Variants in XKR4 observed in about 807,000 individuals in gnomAD.
The protein encoded by XKR4 is XK-related protein 4.
XKR4 carries 12 observed loss-of-function variants against 53.9 expected under a neutral mutation model. That is an observed-to-expected ratio of 0.22 (90% confidence interval 0.14 to 0.36). The LOEUF is 0.36. Ranked by LOEUF, XKR4 falls within the 10% of genes least tolerant of loss-of-function variation. The probability of loss-of-function intolerance (pLI) is 1.00; values close to 1 mark genes in which losing one functional copy is unlikely to be tolerated. For synonymous variants in XKR4, 354 were observed against 362.4 expected (o/e 0.98, Z 0.26); for missense variants, 799 against 859.5 (o/e 0.93, Z 0.88).
At chr8:55,355,831 T>C (rs1295150770) in intron 1 of XKR4, among the ~76,000 whole-genome samples, 2 of 152,232 alleles carry the variant, frequency 1.3e-5, no homozygotes, top group Non-Finnish European at 2.9e-5. Context: ...TTTCTGCACC[T>C]GCACTTCCTT....
chr8:55,369,631 A>G (rs748381717), intron 2 of XKR4, among the ~76,000 whole-genome samples: 4 of 152,160 alleles, frequency 2.6e-5, no homozygotes, highest in Middle Eastern at 6.8e-3. Flanking sequence ...TAAGAATTAT[A>G]TTTTGTTGCT....
chr8:55,507,237 A>C (rs1806546735), intron 2 of XKR4, among the ~76,000 whole-genome samples: 1 of 152,206 alleles, frequency 6.6e-6, no homozygotes, highest in Non-Finnish European at 1.5e-5. Flanking sequence ...CAGAGTTTTT[A>C]TTGAGAACTT....
chr8:55,298,045 T>G (rs947225699), intron 1 of XKR4, among the ~76,000 whole-genome samples: 1 of 152,228 alleles, frequency 6.6e-6, no homozygotes, highest in African/African-American at 2.4e-5. Context: ...TACAGTCGAT[T>G]TTTCTGGCCT....
At chr8:55,425,966 G>T (rs1805006676) in intron 2 of XKR4, among the ~76,000 whole-genome samples, 1 of 152,156 alleles carries the variant, frequency 6.6e-6, no homozygotes, top group Non-Finnish European at 1.5e-5. Context: ...CTCAGGGGAA[G>T]CACCTCCCTC....
intron 2 of XKR4, among the ~76,000 whole-genome samples, chr8:55,430,181 C>T (rs973544175): frequency 6.6e-6 from 1 of 152,162 alleles, no homozygotes; most frequent in Non-Finnish European, 1.5e-5. Context: ...TTCCGCACCA[C>T]CCCACACACA....
chr8:55,154,116 C>T (rs1816875146), intron 1 of XKR4, among the ~76,000 whole-genome samples: 1 of 152,180 alleles, frequency 6.6e-6, no homozygotes, highest in Non-Finnish European at 1.5e-5. Flanking sequence ...GAATTCCTCT[C>T]CCTATATACA....
chr8:55,462,704 A>T (rs959546701), intron 2 of XKR4, among the ~76,000 whole-genome samples: 1 of 152,240 alleles, frequency 6.6e-6, no homozygotes, highest in Non-Finnish European at 1.5e-5. Context: ...GTCAAGACCC[A>T]TCGGTGTGCT....
rs553656318 is a variant in XKR4, at chr8:55,495,924, A to C, written c.1007-27357A>C. Among the ~76,000 whole-genome samples, 168 of 152,356 alleles carry C rather than the reference A, an allele frequency of 1.1e-3. 3 individuals carry two copies. The South Asian group carries it at 0.033, about 30-fold the overall frequency. On this transcript the variant is annotated intron_variant, in intron 2 of 2. Transcript: ENST00000327381. Reference sequence around the variant, plus strand: ...AGTTTTTTACCAAATGTATATATTCACACACCTCAAAAGCACCATATGAGA... The same window carrying C: ...AGTTTTTTACCAAATGTATATATTCCCACACCTCAAAAGCACCATATGAGA...
chr8:55,271,377 G>A (rs1417726217), intron 1 of XKR4, among the ~76,000 whole-genome samples: 4 of 152,194 alleles, frequency 2.6e-5, no homozygotes, highest in East Asian at 1.9e-4. Context: ...ATCATGGAAG[G>A]CAAGGTTAAG....
intron 2 of XKR4, among the ~76,000 whole-genome samples, chr8:55,478,551 A>G (rs1365643965): frequency 6.6e-6 from 1 of 152,154 alleles, no homozygotes; most frequent in Non-Finnish European, 1.5e-5. Flanking sequence ...ACATAACAAT[A>G]TTAACTTTAA....
intron 1 of XKR4, among the ~76,000 whole-genome samples, chr8:55,233,518 TG>T (rs563758894): frequency 2.2e-3 from 329 of 152,252 alleles, no homozygotes; most frequent in Non-Finnish European, 4.0e-3. Context: ...GCAAAGGAAG[TG>T]GGTTCATTGC....
rs1807080828 is a variant in XKR4, at chr8:55,540,196, T to G, written c.*15969T>G. 1 of 152,256 alleles carries G rather than the reference T, an allele frequency of 6.6e-6. No individual in the cohort carries two copies. The highest frequency in any genetic ancestry group is 2.4e-5 in the African/African-American group (1 of 41,478). The allele number at this position is 152,256 out of a possible 1,614,324, so 9.4% of individuals were successfully genotyped here. On this transcript the variant is annotated 3_prime_UTR_variant, in exon 3 of 3. Transcript: ENST00000327381. ...TTATGCTGCTGAGGACCAGTCATTC[T>G]GTAAACATCACATATGTGATGCTTT... is the stretch of plus-strand genomic sequence containing the variant.
At chr8:55,238,275 G>A (rs1818162003) in intron 1 of XKR4, among the ~76,000 whole-genome samples, 1 of 152,138 alleles carries the variant, frequency 6.6e-6, no homozygotes, top group South Asian at 2.1e-4. Context: ...CAAGGCTGCT[G>A]GTTTAGCTGC....
rs374932583 is a variant in XKR4, at chr8:55,102,923, C to G, written c.435C>G (p.Phe145Leu). The change falls in exon 1 of 3, where the codon TTC becomes TTG. Residue 145 changes from phenylalanine to leucine, a missense_variant. Phe to Leu is a conservative substitution (Grantham distance 22). This residue lies in a region of XKR4 where 476 missense variants were observed against 505.4 expected (regional missense o/e 0.94). Coordinates refer to ENST00000327381, the MANE Select transcript of XKR4 (RefSeq NM_052898.2). The surrounding 1 kb of genome is among the most constrained non-coding windows in gnomAD (Gnocchi z 5.1). ...DYYLRGQRWW[F>L]GLTLFFVVLG... ...ACCTGCGCGGCCAGCGCTGGTGGTT[C>G]GGGCTCACGCTCTTCTTCGTGGTGC... 8.1e-6 allele frequency: 13 copies of G among 1,611,642 alleles called. No homozygotes were observed. The highest frequency in any genetic ancestry group is 1.1e-5 in the Non-Finnish European group (13 of 1,179,862).
chr8:55,173,650 A>G (rs1817193132), intron 1 of XKR4, among the ~76,000 whole-genome samples: 1 of 152,172 alleles, frequency 6.6e-6, no homozygotes, highest in African/African-American at 2.4e-5. Context: ...TTGTGAAAAA[A>G]GTGTTGAACT....
At chr8:55,294,553 C>T (rs1190887935) in intron 1 of XKR4, among the ~76,000 whole-genome samples, 1 of 152,200 alleles carries the variant, frequency 6.6e-6, no homozygotes, top group Admixed American at 6.5e-5. Flanking sequence ...TAATAGACAA[C>T]ATCTCGTGAT....
chr8:55,173,683 AG>A (rs1817193499), intron 1 of XKR4, among the ~76,000 whole-genome samples: 2 of 152,216 alleles, frequency 1.3e-5, no homozygotes, highest in Non-Finnish European at 2.9e-5. Context: ...TTACAAGGCT[AG>A]ACACAATAGC....
At position 55,541,496 on chromosome 8, in the gene XKR4, T is replaced by C. The variant is rs1807100476; in HGVS notation, c.*17269T>C. 2 of 152,146 alleles carry C rather than the reference T, an allele frequency of 1.3e-5. No homozygotes were observed. Among genetic ancestry groups the C allele is most frequent in the Non-Finnish European group, 2.9e-5 (2 of 68,032 alleles). 9.4% of individuals were successfully genotyped at this position (152,146 alleles called of 1,614,324 possible). A position where few individuals can be genotyped will look rare whatever the true frequency, so the allele number is the denominator to read the frequency against. On this transcript the variant is annotated 3_prime_UTR_variant, in exon 3 of 3. Coordinates refer to ENST00000327381, the MANE Select transcript of XKR4 (RefSeq NM_052898.2). Reference sequence around the variant, plus strand: ...CCAGTAATTTCTCAGTCCCCTGTTGTCAACTATCTGCATGACATTCTGATT... The same window carrying C: ...CCAGTAATTTCTCAGTCCCCTGTTGCCAACTATCTGCATGACATTCTGATT...
intron 1 of XKR4, among the ~76,000 whole-genome samples, chr8:55,130,973 G>A (rs568432525): frequency 3.9e-5 from 6 of 152,058 alleles, no homozygotes; most frequent in Admixed American, 6.5e-5. Flanking sequence ...CAGCTTGACC[G>A]ACGTGGAGAA....
Sources: allele counts gnomAD v4.1 joint callset (sites outside exome capture counted in the v4.1 genomes callset), GRCh38; gene constraint gnomAD v4.1.1; regional missense constraint gnomAD v4.1.1; non-coding constraint Gnocchi (gnomAD v3.1); transcripts MANE v1.5; gene names NCBI Gene and HGNC (gene_info 2026-07-23, HGNC 2026-07-21).